The following SLC3A1 variants were observed in gnomAD, a reference collection of about 807,000 sequenced individuals.
SLC3A1 encodes the protein solute carrier family 3 member 1.
Under a neutral mutation model 60.3 loss-of-function variants are expected in SLC3A1, and 78 were observed. That is an observed-to-expected ratio of 1.29 (90% confidence interval 1.08 to 1.56). SLC3A1 has a LOEUF of 1.56. SLC3A1 is among the 40% of genes most tolerant of loss of function. The pLI, the probability that SLC3A1 is intolerant of heterozygous loss-of-function variation, is 0.00. For synonymous variants in SLC3A1, 392 were observed against 307.9 expected (o/e 1.27, Z -2.86); for missense variants, 1,172 against 858.9 (o/e 1.36, Z -4.56).
chr2:44,276,192 C>T (rs954989322), intron 1 of SLC3A1, among the ~76,000 whole-genome samples: 19 of 152,118 alleles, frequency 1.2e-4, no homozygotes, highest in African/African-American at 4.1e-4. Flanking sequence ...TTGAGCCAAA[C>T]GAGTTGTTTA....
chr2:44,287,012 G>A (rs2104343899), intron 4 of SLC3A1, among the ~76,000 whole-genome samples: 1 of 152,290 alleles, frequency 6.6e-6, no homozygotes, highest in African/African-American at 2.4e-5. Flanking sequence ...CTGTTTGGAA[G>A]ATTAGATGAG....
intron 7 of SLC3A1, among the ~76,000 whole-genome samples, chr2:44,304,704 G>C (rs1003709751): frequency 6.6e-6 from 1 of 151,522 alleles, no homozygotes; most frequent in Non-Finnish European, 1.5e-5. Context: ...ACATAAAACT[G>C]TGACAAAACA....
At chr2:44,309,330 C>T (rs1205958548) in intron 7 of SLC3A1, among the ~76,000 whole-genome samples, 5 of 152,152 alleles carry the variant, frequency 3.3e-5, no homozygotes, top group Non-Finnish European at 7.4e-5. Flanking sequence ...TTTGTGTCTG[C>T]CTCATTTCAC....
At chr2:44,300,969 A>T (rs1044912335) in intron 5 of SLC3A1, 34 bp from the exon 6 acceptor site, 1 of 1,612,842 alleles carries the variant, frequency 6.2e-7, no homozygotes, top group African/African-American at 1.3e-5. Context: ...CAATGTATGA[A>T]ATGAGGGTAA....
chr2:44,299,814 T>C (rs1472457302), intron 4 of SLC3A1, among the ~76,000 whole-genome samples, 157 bp from the exon 5 acceptor site: 2 of 152,196 alleles, frequency 1.3e-5, no homozygotes, highest in Non-Finnish European at 2.9e-5. Context: ...GTAAGACAGT[T>C]ATGCTAAATA....
chr2:44,301,515 C>T (rs866778981), intron 6 of SLC3A1: 54 of 354,602 alleles, frequency 1.5e-4, no homozygotes, highest in African/African-American at 7.6e-4. Context: ...CCAAGGCAGG[C>T]GGATCACGAG....
intron 9 of SLC3A1, chr2:44,318,095 GTTTTTTT>G (rs11348872): frequency 6.0e-5 from 24 of 396,944 alleles, no homozygotes; most frequent in Non-Finnish European, 1.0e-4. Context: ...TCTCAACACT[GTTTTTTT>G]TTTTTTTTGA....
At chr2:44,298,169 C>A (rs143303160) in intron 4 of SLC3A1, among the ~76,000 whole-genome samples, 2 of 132,530 alleles carry the variant, frequency 1.5e-5, no homozygotes, top group East Asian at 4.0e-4. Flanking sequence ...ACAGTTGATT[C>A]TTCATACATC....
chr2:44,305,473 G>C (rs1384076833), intron 7 of SLC3A1, among the ~76,000 whole-genome samples: 1 of 146,802 alleles, frequency 6.8e-6, no homozygotes. Context: ...CTGTTGCCCA[G>C]GCTGGAGTGC....
chr2:44,311,062 T>C (rs1476207846), intron 7 of SLC3A1, among the ~76,000 whole-genome samples: 7 of 152,182 alleles, frequency 4.6e-5, no homozygotes, highest in Non-Finnish European at 1.5e-5. Context: ...CCCAAAGCAC[T>C]GGGATTACAG....
intron 4 of SLC3A1, among the ~76,000 whole-genome samples, chr2:44,289,216 T>TC (rs1409721039): frequency 1.4e-5 from 2 of 147,956 alleles, no homozygotes; most frequent in Non-Finnish European, 3.0e-5. Flanking sequence ...TTTCTTTTTT[T>TC]CTTTTTTTTT....
At chr2:44,307,334 TTCTC>T (rs916023940) in intron 7 of SLC3A1, among the ~76,000 whole-genome samples, 3 of 152,216 alleles carry the variant, frequency 2.0e-5, no homozygotes, top group African/African-American at 7.2e-5. Flanking sequence ...ATGTTTTCAA[TTCTC>T]TCTGATATAT....
chr2:44,314,296 A>T (rs1672370720), intron 9 of SLC3A1: 1 of 535,082 alleles, frequency 1.9e-6, no homozygotes, highest in African/African-American at 1.9e-5. Flanking sequence ...GCAGGGAGAG[A>T]GGCGAGTGGA....
Position 44,275,710 on chromosome 2 carries a change from T to C in SLC3A1, c.175T>C (p.Phe59Leu). The change falls in exon 1 of 10, where the codon TTC (phenylalanine) becomes CTC (leucine). Residue 59 changes from phenylalanine to leucine, a missense_variant. Phe to Leu is a conservative substitution (Grantham distance 22). Coordinates refer to ENST00000260649, the MANE Select transcript of SLC3A1 (RefSeq NM_000341.4). ...CATCCTTGGCTCCCAGGAGCCCGACTTCAAGGGCGTCCAGCCCTATGCGGG... is the reference window on the plus strand; with the variant it reads ...CATCCTTGGCTCCCAGGAGCCCGACCTCAAGGGCGTCCAGCCCTATGCGGG... ...RGILGSQEPD[F>L]KGVQPYAGMP... 1 of 1,614,158 alleles carries C rather than the reference T, an allele frequency of 6.2e-7. No homozygotes were observed. The highest frequency in any genetic ancestry group is 8.5e-7 in the Non-Finnish European group (1 of 1,180,002).
intron 9 of SLC3A1, chr2:44,318,177 G>T: frequency 2.3e-6 from 1 of 426,490 alleles, no homozygotes; most frequent in Non-Finnish European, 4.7e-6. Flanking sequence ...TGCAGCCTCT[G>T]CTTCCTGGGT....
chr2:44,316,390 C>T (rs762333795), intron 9 of SLC3A1: 3 of 152,096 alleles, frequency 2.0e-5, no homozygotes, highest in Non-Finnish European at 2.9e-5. Context: ...TAAAATAGAA[C>T]ATAAGTGCTA....
At chr2:44,317,134 T>C (rs188080028) in intron 9 of SLC3A1, among the ~76,000 whole-genome samples, 1 of 152,252 alleles carries the variant, frequency 6.6e-6, no homozygotes, top group East Asian at 1.9e-4. Flanking sequence ...TCAGTAGCCA[T>C]TAACCACTGT....
chr2:44,321,947 T>C (rs1673003006), downstream of SLC3A1: 1 of 1,564,710 alleles, frequency 6.4e-7, no homozygotes, highest in Non-Finnish European at 8.7e-7. Context: ...TATGGGATCT[T>C]CTTTGGAAGA....
downstream of SLC3A1, chr2:44,321,971 C>T: frequency 7.0e-7 from 1 of 1,437,594 alleles, no homozygotes; most frequent in Non-Finnish European, 9.4e-7. Context: ...AGACCCATTC[C>T]TCCCCTCTTC....
Sources: gnomAD v4.1 joint callset for allele counts (sites outside exome capture counted in the v4.1 genomes callset) on GRCh38, gnomAD v4.1.1 for gene constraint, MANE v1.5 for transcripts, NCBI Gene and HGNC (gene_info 2026-07-23, HGNC 2026-07-21) for gene names.